Variants in PCDHA3 observed in about 807,000 individuals in gnomAD.
PCDHA3 encodes protocadherin alpha 3, also known as protocadherin alpha-3.
A neutral mutation model predicts 62.2 loss-of-function variants in PCDHA3; 41 were observed. The ratio of observed to expected loss-of-function variants is 0.66; its 90% CI spans 0.51 to 0.86. The LOEUF is 0.86. PCDHA3 is among the 40% of genes least tolerant of loss of function. The pLI is 0.00. For synonymous variants in PCDHA3, 640 were observed against 555.4 expected (o/e 1.15, Z -2.14); for missense variants, 1,304 against 1,241.2 (o/e 1.05, Z -0.76).
intron 1 of PCDHA3, chr5:140,824,225 A>G: frequency 1.3e-6 from 2 of 1,554,028 alleles, no homozygotes; most frequent in Non-Finnish European, 1.8e-6. Context: ...ATTATGTCTT[A>G]GTACACAAAT....
chr5:140,968,855 A>G (rs2096275634), intron 1 of PCDHA3: 2 of 1,614,198 alleles, frequency 1.2e-6, no homozygotes, highest in Non-Finnish European at 1.7e-6. Flanking sequence ...GCATGTTAAG[A>G]GCCCTCGGAC....
Position 141,010,110 on chromosome 5 carries a change from A to C in PCDHA3, c.*173A>C. On this transcript the variant is annotated 3_prime_UTR_variant, in exon 4 of 4. Coordinates refer to ENST00000522353, the MANE Select transcript of PCDHA3 (RefSeq NM_018906.3). ...GAACGCATTTAACAGGTTTTGTCGT[A>C]AAAGCTTTACTAAGTCTGGTGTTAA... 6.2e-7 allele frequency: 1 copy of C among 1,611,166 alleles called. No individual in the cohort carries two copies. The highest frequency in any genetic ancestry group is 8.5e-7 in the Non-Finnish European group (1 of 1,178,396).
At chr5:140,979,486 C>T (rs1222755275) in intron 2 of PCDHA3, among the ~76,000 whole-genome samples, 1 of 152,032 alleles carries the variant, frequency 6.6e-6, no homozygotes, top group African/African-American at 2.4e-5. Flanking sequence ...TGTGTTCACA[C>T]CTATTAGAGC....
At chr5:140,905,986 T>G (rs2072268646) in intron 1 of PCDHA3, among the ~76,000 whole-genome samples, 1 of 152,198 alleles carries the variant, frequency 6.6e-6, no homozygotes, top group Non-Finnish European at 1.5e-5. Flanking sequence ...GGGAGAAAGA[T>G]GTAGGCTGGG....
At chr5:140,919,488 T>C (rs149191060) in intron 1 of PCDHA3, among the ~76,000 whole-genome samples, 58 of 152,320 alleles carry the variant, frequency 3.8e-4, no homozygotes, top group African/African-American at 1.3e-3. Context: ...TTTATGTTTG[T>C]TATTTTACTC....
At chr5:141,002,532 C>T (rs571310813) in intron 3 of PCDHA3, among the ~76,000 whole-genome samples, 26 of 152,270 alleles carry the variant, frequency 1.7e-4, no homozygotes, top group African/African-American at 6.0e-4. Flanking sequence ...AGTCAGACTC[C>T]CTAGATTTGA....
At chr5:140,829,218 A>G in intron 1 of PCDHA3, 1 of 1,614,180 alleles carries the variant, frequency 6.2e-7, no homozygotes, top group Non-Finnish European at 8.5e-7. Context: ...AGCGTGAACG[A>G]CCTCGATTCA....
intron 1 of PCDHA3, among the ~76,000 whole-genome samples, chr5:140,891,121 T>C (rs74535477): frequency 0.041 from 6,261 of 152,308 alleles, 144 homozygotes; most frequent in Middle Eastern, 0.061. Context: ...TCAATCTAAA[T>C]GTCATTCCTT....
At chr5:140,804,859 A>G in intron 1 of PCDHA3, 1 of 541,546 alleles carries the variant, frequency 1.8e-6, no homozygotes, top group Non-Finnish European at 3.1e-6. Context: ...TCTAACACGT[A>G]AAATAGATAT....
rs561529051 is a variant in PCDHA3 at position 140,929,034 on chromosome 5, C to G, written c.2395-49915C>G. On this transcript the variant is annotated intron_variant, in intron 1 of 3. Transcript: ENST00000522353. ...AGTTGCACCAGAGCCCAGGCTGTTGCGCTCAGAGCTGCTGTCGCTCTACAG... is the reference window on the plus strand; with the variant it reads ...AGTTGCACCAGAGCCCAGGCTGTTGGGCTCAGAGCTGCTGTCGCTCTACAG... 2.8e-5 allele frequency: 46 copies of G among 1,614,040 alleles called. No homozygotes were observed. The South Asian group carries it at 4.8e-4, about 17-fold the overall frequency.
chr5:140,836,144 G>C (rs2150253955), intron 1 of PCDHA3: 2 of 1,613,662 alleles, frequency 1.2e-6, no homozygotes, highest in Admixed American at 1.7e-5. Context: ...CTGTGGGCGC[G>C]GGCCATGTGG....
intron 1 of PCDHA3, chr5:140,809,098 G>A (rs1764362378): frequency 1.2e-6 from 2 of 1,613,858 alleles, no homozygotes; most frequent in Admixed American, 1.7e-5. Flanking sequence ...CGCGTGCCCT[G>A]GACGAAACGG....
At chr5:141,002,934 C>A (rs1318656602) in intron 3 of PCDHA3, among the ~76,000 whole-genome samples, 2 of 152,172 alleles carry the variant, frequency 1.3e-5, no homozygotes, top group Non-Finnish European at 2.9e-5. Flanking sequence ...CCTCCAACAC[C>A]CTCCAGCACA....
chr5:140,965,440 T>C (rs1028835719), intron 1 of PCDHA3, among the ~76,000 whole-genome samples: 42 of 151,984 alleles, frequency 2.8e-4, no homozygotes, highest in Admixed American at 1.3e-4. Context: ...GTCATTGAAA[T>C]TGCTGGTTAT....
chr5:140,853,369 T>G, intron 1 of PCDHA3: 1 of 982,984 alleles, frequency 1.0e-6, no homozygotes, highest in African/African-American at 1.8e-5. Flanking sequence ...GATCCAGAGA[T>G]GGTAAAATTC....
chr5:140,875,360 GA>G, intron 1 of PCDHA3: 1 of 1,447,846 alleles, frequency 6.9e-7, no homozygotes, highest in Non-Finnish European at 9.1e-7. Context: ...TGTGATGCTG[GA>G]AAAAATTTAC....
intron 1 of PCDHA3, among the ~76,000 whole-genome samples, chr5:140,918,041 C>T (rs1554198405): frequency 6.6e-6 from 1 of 152,058 alleles, no homozygotes; most frequent in Non-Finnish European, 1.5e-5. Flanking sequence ...AAGGTCTTTC[C>T]ATTTGTTTTA....
At chr5:140,906,030 T>G (rs1554192342) in intron 1 of PCDHA3, among the ~76,000 whole-genome samples, 1 of 152,196 alleles carries the variant, frequency 6.6e-6, no homozygotes, top group Non-Finnish European at 1.5e-5. Flanking sequence ...CACGTTCTTC[T>G]GTCTGCTTTT....
At chr5:140,941,023 T>C (rs2153648150) in intron 1 of PCDHA3, among the ~76,000 whole-genome samples, 1 of 152,338 alleles carries the variant, frequency 6.6e-6, no homozygotes, top group African/African-American at 2.4e-5. Flanking sequence ...ATTTTCCTTC[T>C]GGCCTTTTTG....
Sources: gnomAD v4.1 joint callset for allele counts (sites outside exome capture counted in the v4.1 genomes callset) on GRCh38, gnomAD v4.1.1 for gene constraint, MANE v1.5 for transcripts, NCBI Gene and HGNC (gene_info 2026-07-23, HGNC 2026-07-21) for gene names.